PDE1A: variants seen among roughly 807,000 people sequenced by gnomAD.
PDE1A encodes the protein phosphodiesterase 1A.
In PDE1A, 35 loss-of-function variants were observed where a neutral mutation model predicts 61.7. That is an observed-to-expected ratio of 0.57 (90% CI 0.43 to 0.75). PDE1A has a LOEUF of 0.75. Ranked by LOEUF, PDE1A falls within the 30% of genes least tolerant of loss-of-function variation. The pLI, the probability that PDE1A is intolerant of heterozygous loss-of-function variation, is 0.00. For missense variants in PDE1A, 597 were observed against 630.6 expected, an observed-to-expected ratio of 0.95 and a Z score of 0.57; for synonymous variants, 232 against 213.2, an observed-to-expected ratio of 1.09 and a Z score of -0.77.
chr2:182,180,724 A>G (rs919270403), intron 13 of PDE1A, among the ~76,000 whole-genome samples: 4 of 150,832 alleles, frequency 2.7e-5, no homozygotes, highest in African/African-American at 7.3e-5. Context: ...AGGTACTCCA[A>G]TCAATCGTAG....
At chr2:182,589,638 T>C in the PDE1A span, among the ~76,000 whole-genome samples, 1 of 152,194 alleles carries the variant, frequency 6.6e-6, no homozygotes, top group Non-Finnish European at 1.5e-5. Flanking sequence ...CGAAAAATGC[T>C]CTTCCTGTCA....
At chr2:182,381,270 G>C (rs183991868) in intron 1 of PDE1A, among the ~76,000 whole-genome samples, 1 of 152,012 alleles carries the variant, frequency 6.6e-6, no homozygotes, top group Non-Finnish European at 1.5e-5. Flanking sequence ...AGAATACTGG[G>C]AGGAAGGGGA....
chr2:182,310,681 T>C (rs1408329499), intron 1 of PDE1A, among the ~76,000 whole-genome samples: 1 of 152,164 alleles, frequency 6.6e-6, no homozygotes, highest in Non-Finnish European at 1.5e-5. Flanking sequence ...CTTACAAATT[T>C]TACCAGCTTC....
chr2:182,567,813 G>C, the PDE1A span, among the ~76,000 whole-genome samples: 2 of 133,384 alleles, frequency 1.5e-5, no homozygotes, highest in African/African-American at 2.9e-5. Context: ...TTTTTTTTGA[G>C]ATGGAGTCTT....
chr2:182,600,655 A>G, the PDE1A span, among the ~76,000 whole-genome samples: 40 of 152,368 alleles, frequency 2.6e-4, no homozygotes, highest in African/African-American at 9.6e-4. Context: ...AAAAGAAAAA[A>G]GTTCAGAAGA....
the PDE1A span, among the ~76,000 whole-genome samples, chr2:182,557,591 A>G: frequency 1.3e-5 from 2 of 152,146 alleles, no homozygotes; most frequent in African/African-American, 4.8e-5. Context: ...ATGCACTGGT[A>G]GTCCCAGCTA....
Position 182,393,807 on chromosome 2 carries a change from A to AT in PDE1A, c.53+32770dup, listed in dbSNP as rs1199940272. On this transcript the variant is annotated intron_variant, in intron 1 of 13. Coordinates refer to ENST00000351439, the Ensembl canonical transcript of PDE1A. ...ATGCCATCAGTCTCTTTGCTAAAAC[A>AT]TAAGAGTCACCTTTGCTCCATTTCC... is the stretch of plus-strand genomic sequence containing the variant. Among the ~76,000 whole-genome samples the AT allele has an allele frequency of 2.6e-5, 4 of 152,358 alleles. No individual in the cohort carries two copies. The East Asian group carries it at 7.7e-4, about 29-fold the overall frequency.
the PDE1A span, among the ~76,000 whole-genome samples, chr2:182,671,211 G>A: frequency 0.45 from 67,182 of 150,772 alleles, 15,749 homozygotes; most frequent in South Asian, 0.52. Flanking sequence ...TCGCTCTGTC[G>A]CCCAGGCTGG....
At chr2:182,401,808 G>C (rs1702014445) in intron 1 of PDE1A, among the ~76,000 whole-genome samples, 1 of 152,208 alleles carries the variant, frequency 6.6e-6, no homozygotes, top group African/African-American at 2.4e-5. Flanking sequence ...TCCTTAAGCT[G>C]ATAAGCAACT....
intron 5 of PDE1A, 66 bp from the exon 6 acceptor site, chr2:182,230,212 T>G: frequency 7.9e-7 from 1 of 1,264,252 alleles, no homozygotes; most frequent in Non-Finnish European, 1.1e-6. Context: ...ACCTGAGCAC[T>G]GTTTGTCATG....
downstream of PDE1A, chr2:182,142,905 C>CA (rs1011653815): frequency 6.6e-6 from 1 of 152,142 alleles, no homozygotes; most frequent in African/African-American, 2.4e-5. Flanking sequence ...GTTACTAGCT[C>CA]AAAATTTATG....
chr2:182,466,603 T>C (rs17265166), intron 2 of PDE1A, among the ~76,000 whole-genome samples: 24,771 of 151,834 alleles, frequency 0.16, 2,502 homozygotes, highest in Middle Eastern at 0.31. Context: ...CATTGGAAAG[T>C]TGGGAAGACC....
chr2:182,525,582 G>A (rs1455757422), upstream of PDE1A, among the ~76,000 whole-genome samples: 1 of 152,146 alleles, frequency 6.6e-6, no homozygotes, highest in African/African-American at 2.4e-5. Context: ...CATGTAAGAT[G>A]TGCCTGCTTC....
At chr2:182,509,024 T>C (rs943834313) in intron 2 of PDE1A, among the ~76,000 whole-genome samples, 1 of 148,310 alleles carries the variant, frequency 6.7e-6, no homozygotes, top group African/African-American at 2.5e-5. Context: ...TGTGATCTCA[T>C]TGTTCAATTC....
At chr2:182,688,191 C>G in the PDE1A span, among the ~76,000 whole-genome samples, 2 of 152,166 alleles carry the variant, frequency 1.3e-5, no homozygotes, top group Non-Finnish European at 2.9e-5. Flanking sequence ...AACAAAGATA[C>G]TCCTTGAGAA....
the PDE1A span, among the ~76,000 whole-genome samples, chr2:182,530,518 T>C: frequency 2.1e-3 from 317 of 152,158 alleles, 2 homozygotes; most frequent in African/African-American, 7.3e-3. Flanking sequence ...GGAAAAAATC[T>C]TGAAAGCAGT....
intron 1 of PDE1A, among the ~76,000 whole-genome samples, chr2:182,285,130 A>G (rs891969856): frequency 6.6e-6 from 1 of 152,070 alleles, no homozygotes; most frequent in Admixed American, 6.6e-5. Context: ...CCTTCCACCC[A>G]TCAAAGTGGC....
At chr2:182,451,140 AGGCCGAGGCGGGCGGATCACG>A (rs1685489888) in intron 2 of PDE1A, among the ~76,000 whole-genome samples, 9 of 82,544 alleles carry the variant, frequency 1.1e-4, no homozygotes, top group African/African-American at 2.2e-4. Context: ...GCACTTTGGG[AGGCCGAGGCGGGCGGATCACG>A]AAGTCAGGAG....
chr2:182,333,311 A>G (rs916791162), intron 1 of PDE1A, among the ~76,000 whole-genome samples: 1 of 152,134 alleles, frequency 6.6e-6, no homozygotes, highest in Non-Finnish European at 1.5e-5. Flanking sequence ...TTCTTATAAA[A>G]CTCACCACAT....
Sources: allele counts gnomAD v4.1 joint callset (sites outside exome capture counted in the v4.1 genomes callset), GRCh38; gene constraint gnomAD v4.1.1; transcripts MANE v1.5; gene names NCBI Gene and HGNC (gene_info 2026-07-23, HGNC 2026-07-21).